SLC6A13: variants seen among roughly 807,000 people sequenced by gnomAD.
The protein encoded by SLC6A13 is solute carrier family 6 member 13.
Under a neutral mutation model 72.9 loss-of-function variants are expected in SLC6A13, and 69 were observed. That is an observed-to-expected ratio of 0.95 (90% CI 0.78 to 1.16). The LOEUF is 1.16. Among genes scored for constraint, SLC6A13 ranks in the 50% most tolerant of loss-of-function variants. The pLI is 0.00. For missense variants in SLC6A13, 735 were observed against 760.5 expected (o/e 0.97, Z 0.39); for synonymous variants, 303 against 303.0 (o/e 1.00, Z 0.00).
At chr12:221,121 G>A (rs1485725756) in intron 14 of SLC6A13, 51 bp from the exon 15 acceptor site, 1 of 1,538,146 alleles carries the variant, frequency 6.5e-7, no homozygotes, top group Non-Finnish European at 8.7e-7. Flanking sequence ...GGGCAGGTCT[G>A]CCAGCTTCCC....
At chr12:259,794 G>T (rs759824170) in intron 2 of SLC6A13, 57 bp downstream of exon 2, 1 of 1,614,220 alleles carries the variant, frequency 6.2e-7, no homozygotes, top group Admixed American at 1.7e-5. Flanking sequence ...AAGTGCAGGA[G>T]ATGGAAGTAT....
In SLC6A13 at chr12:220,878, G is replaced by C. The variant is rs977644968; in HGVS notation, c.*70C>G. 6 of 1,588,260 alleles carry C rather than the reference G, an allele frequency of 3.8e-6. No homozygotes were observed. Among genetic ancestry groups the C allele is most frequent in the African/African-American group, 1.3e-5 (1 of 74,530 alleles). ...CGGGGGCAGGGAAGCACATGGGGCTGCTTCTGCCACGTTCCCTCCACAGCC... is the reference window on the plus strand; with the variant it reads ...CGGGGGCAGGGAAGCACATGGGGCTCCTTCTGCCACGTTCCCTCCACAGCC... On this transcript the variant is annotated 3_prime_UTR_variant, in exon 15 of 15. Coordinates refer to ENST00000343164, the MANE Select transcript of SLC6A13 (RefSeq NM_016615.5).
chr12:249,481 G>A (rs775942260), intron 2 of SLC6A13, among the ~76,000 whole-genome samples: 15 of 151,914 alleles, frequency 9.9e-5, no homozygotes, highest in Non-Finnish European at 2.2e-4. Context: ...ACAATAATAA[G>A]AAAAGATATG....
At position 226,504 on chromosome 12, in the gene SLC6A13, C is replaced by T. The variant is rs761172524; in HGVS notation, c.946G>A (p.Ala316Thr). 9 of 1,613,576 alleles carry T rather than the reference C, an allele frequency of 5.6e-6. No homozygotes were observed. Among genetic ancestry groups the T allele is most frequent in the South Asian group, 1.1e-5 (1 of 91,074 alleles). The change falls in exon 9 of 15, where the codon GCC (alanine) becomes ACC (threonine). Residue 316 changes from alanine (A) to threonine (T), a missense_variant. Physicochemically the swap from Ala to Thr is moderately conservative, Grantham distance 58. Transcript: ENST00000343164. ...YHNNCYRDCI[A>T]LCFLNSGTSF... is the part of the protein sequence containing the mutation. The stretch of plus-strand genomic sequence containing the variant: ...GTGCCGCTGTTGAGGAAGCAGAGGG[C>T]GATGCAGTCCCTGTGGGGCAGGGGT...
At chr12:239,644 C>T (rs935797927) in intron 4 of SLC6A13, among the ~76,000 whole-genome samples, 1 of 152,170 alleles carries the variant, frequency 6.6e-6, no homozygotes, top group Non-Finnish European at 1.5e-5. Context: ...TTTATGTCTA[C>T]CTCCCATCGC....
intron 6 of SLC6A13, among the ~76,000 whole-genome samples, chr12:236,421 TAGAA>T (rs1565496945): frequency 6.6e-6 from 1 of 152,098 alleles, no homozygotes; most frequent in Non-Finnish European, 1.5e-5. Context: ...TTATGGAAAA[TAGAA>T]AGAACCTACT....
intron 11 of SLC6A13, 65 bp from the exon 12 acceptor site, chr12:223,299 T>C (rs1941295087): frequency 9.6e-7 from 1 of 1,042,472 alleles, no homozygotes; most frequent in East Asian, 2.5e-5. Flanking sequence ...TTCACTCCTA[T>C]GCCCTTTAGC....
At chr12:243,085 C>T (rs1241725521) in intron 3 of SLC6A13, among the ~76,000 whole-genome samples, 1 of 151,770 alleles carries the variant, frequency 6.6e-6, no homozygotes, top group Non-Finnish European at 1.5e-5. Flanking sequence ...TCTCGGCTCG[C>T]TGCAACCTCT....
At chr12:228,971 C>T (rs1941593194) in intron 7 of SLC6A13, among the ~76,000 whole-genome samples, 1 of 152,236 alleles carries the variant, frequency 6.6e-6, no homozygotes, top group Non-Finnish European at 1.5e-5. Flanking sequence ...ATCCTCTCAT[C>T]ATGTCTCCAT....
Position 220,638 on chromosome 12 carries a change from G to A in SLC6A13, c.*310C>T. The stretch of plus-strand genomic sequence containing the variant: ...CGCTAGCAGTCAGCGGGAAGAATGT[G>A]GATTTAATGGAATGAAGGATGAGAG... On this transcript the variant is annotated 3_prime_UTR_variant, in exon 15 of 15. Coordinates refer to ENST00000343164, the MANE Select transcript of SLC6A13 (RefSeq NM_016615.5). 8.9e-6 allele frequency: 3 copies of A among 336,710 alleles called. No homozygotes were observed. Among genetic ancestry groups the A allele is most frequent in the Non-Finnish European group, 1.7e-5 (3 of 177,990 alleles). The allele number at this position is 336,710 out of a possible 1,614,324, so 20.9% of individuals were successfully genotyped here. A position where few individuals can be genotyped will look rare whatever the true frequency, so the allele number is the denominator to read the frequency against.
chr12:244,258 TC>T (rs1204023767), intron 2 of SLC6A13, among the ~76,000 whole-genome samples: 1 of 152,224 alleles, frequency 6.6e-6, no homozygotes, highest in Non-Finnish European at 1.5e-5. Flanking sequence ...TTTGAATGTA[TC>T]CCCTAAAGTT....
intron 7 of SLC6A13, among the ~76,000 whole-genome samples, chr12:234,678 C>T (rs113920768): frequency 0.06 from 9,092 of 152,016 alleles, 680 homozygotes; most frequent in East Asian, 0.31. Flanking sequence ...CCACTACACC[C>T]GGCTAATTTT....
At chr12:251,324 C>A (rs980480326) in intron 2 of SLC6A13, among the ~76,000 whole-genome samples, 23 of 152,078 alleles carry the variant, frequency 1.5e-4, no homozygotes, top group Non-Finnish European at 3.1e-4. Context: ...CACATATATA[C>A]AAATAACTCA....
At chr12:223,313 A>G in intron 11 of SLC6A13, 79 bp from the exon 12 acceptor site, 1 of 849,618 alleles carries the variant, frequency 1.2e-6, no homozygotes, top group Non-Finnish European at 1.9e-6. Context: ...CTTTAGCTTC[A>G]CACGGTGGAG....
At chr12:221,584 G>C (rs754068679) in intron 13 of SLC6A13, 38 bp from the exon 14 acceptor site, 1 of 1,375,242 alleles carries the variant, frequency 7.3e-7, no homozygotes, top group Non-Finnish European at 1.0e-6. Context: ...GTTGGGGGGC[G>C]GGGGCCTTGT....
chr12:250,069 T>C (rs1295731978), intron 2 of SLC6A13, among the ~76,000 whole-genome samples: 4 of 152,120 alleles, frequency 2.6e-5, no homozygotes, highest in African/African-American at 7.2e-5. Flanking sequence ...ATAGGTACAG[T>C]AAAGTATTTG....
At chr12:236,895 A>G in intron 6 of SLC6A13, 1 of 352,534 alleles carries the variant, frequency 2.8e-6, no homozygotes, top group Non-Finnish European at 5.1e-6. Flanking sequence ...TTCAATTTGC[A>G]ATGTGCCCAC....
chr12:239,783 G>A (rs1282100896), intron 4 of SLC6A13, among the ~76,000 whole-genome samples: 1 of 152,146 alleles, frequency 6.6e-6, no homozygotes, highest in Non-Finnish European at 1.5e-5. Flanking sequence ...GGCCAGCTAG[G>A]TGCTCTCTCC....
At position 238,522 on chromosome 12, in the gene SLC6A13, G is replaced by A. The variant is rs80110167; in HGVS notation, c.479-512C>T. Among the ~76,000 whole-genome samples the A allele has an allele frequency of 1.2e-3, 177 of 152,336 alleles. 1 individual carries two copies. The highest frequency in any genetic ancestry group is 3.5e-3 in the African/African-American group (144 of 41,572). On this transcript the variant is annotated intron_variant, in intron 4 of 14. Coordinates refer to ENST00000343164, the MANE Select transcript of SLC6A13 (RefSeq NM_016615.5). Reference sequence around the variant, plus strand: ...AAATGCAGACAGTAAGATCCATTACGTAGGATTGATAAGAAATTAAATGAA... The same window carrying A: ...AAATGCAGACAGTAAGATCCATTACATAGGATTGATAAGAAATTAAATGAA...
Sources: gnomAD v4.1 joint callset for allele counts (sites outside exome capture counted in the v4.1 genomes callset) on GRCh38, gnomAD v4.1.1 for gene constraint, MANE v1.5 for transcripts, NCBI Gene and HGNC (gene_info 2026-07-23, HGNC 2026-07-21) for gene names.